The following RAD18 variants were observed in gnomAD, a reference collection of about 807,000 sequenced individuals.
The protein encoded by RAD18 is E3 ubiquitin-protein ligase RAD18.
Under a neutral mutation model 60.4 loss-of-function variants are expected in RAD18, and 47 were observed. The ratio of observed to expected loss-of-function variants is 0.78; its 90% confidence interval spans 0.62 to 0.99. The LOEUF (loss-of-function observed/expected upper bound fraction) is 0.99, where lower values mean the gene tolerates loss of function less well. RAD18 is among the 50% of genes least tolerant of loss of function. The pLI, the probability that RAD18 is intolerant of heterozygous loss-of-function variation, is 0.00. For synonymous variants in RAD18, 225 were observed against 195.5 expected (o/e 1.15, Z -1.26); for missense variants, 640 against 593.3 (o/e 1.08, Z -0.82).
chr3:8,954,545 G>A (rs779940127), intron 2 of RAD18, among the ~76,000 whole-genome samples: 1 of 151,906 alleles, frequency 6.6e-6, no homozygotes. Flanking sequence ...GCTCCCTCTC[G>A]CCCCCAAAAT....
intron 7 of RAD18, among the ~76,000 whole-genome samples, chr3:8,915,543 C>T (rs1341016083): frequency 6.6e-6 from 1 of 151,358 alleles, no homozygotes. Context: ...TTTTGGGTGG[C>T]TTGGACACAG....
intron 9 of RAD18, among the ~76,000 whole-genome samples, chr3:8,906,238 A>C (rs138212210): frequency 3.3e-4 from 50 of 152,278 alleles, no homozygotes; most frequent in African/African-American, 1.1e-3. Flanking sequence ...TATAAAATTT[A>C]TCTCTCACTG....
At chr3:8,928,632 A>G (rs192665571) in intron 7 of RAD18, among the ~76,000 whole-genome samples, 1 of 152,188 alleles carries the variant, frequency 6.6e-6, no homozygotes, top group Admixed American at 6.5e-5. Context: ...AAAACTGAAA[A>G]TATTGACAGG....
intron 12 of RAD18, among the ~76,000 whole-genome samples, chr3:8,882,488 C>A (rs1288838458): frequency 6.6e-6 from 1 of 152,078 alleles, no homozygotes; most frequent in Non-Finnish European, 1.5e-5. Flanking sequence ...AAAGGCCCAC[C>A]CCTGAGACTC....
In RAD18 at chr3:8,880,000, T is replaced by G. The variant is rs945149068; in HGVS notation, c.*1357A>C. The G allele has an allele frequency of 5.9e-5, 9 of 152,364 alleles. No individual in the cohort carries two copies. The highest frequency in any genetic ancestry group is 2.2e-4 in the African/African-American group (9 of 41,592). 9.4% of individuals were successfully genotyped at this position (152,364 alleles called of 1,614,324 possible). On this transcript the variant is annotated 3_prime_UTR_variant, in exon 13 of 13. Coordinates refer to ENST00000264926, the MANE Select transcript of RAD18 (RefSeq NM_020165.4). ...TATCCATGTGAGCTCCTATTTTGTT[T>G]GACATGCTCACTTACCTCACATCAG...
intron 12 of RAD18, among the ~76,000 whole-genome samples, chr3:8,882,269 G>A (rs1403320726): frequency 6.6e-6 from 1 of 152,212 alleles, no homozygotes; most frequent in Non-Finnish European, 1.5e-5. Context: ...AGGAACAGAG[G>A]TGAAATCAGT....
chr3:8,951,905 A>T (rs1033009703), intron 2 of RAD18, among the ~76,000 whole-genome samples: 2 of 152,216 alleles, frequency 1.3e-5, no homozygotes, highest in African/African-American at 4.8e-5. Context: ...TGGCCTATAG[A>T]CAACCACCTG....
intron 6 of RAD18, among the ~76,000 whole-genome samples, chr3:8,936,372 G>C (rs1940653571): frequency 6.6e-6 from 1 of 152,140 alleles, no homozygotes; most frequent in African/African-American, 2.4e-5. Context: ...TATGCTGTGA[G>C]GACTTCACTT....
intron 2 of RAD18, 88 bp from the exon 3 acceptor site, chr3:8,948,658 C>T: frequency 9.0e-7 from 1 of 1,115,036 alleles, no homozygotes; most frequent in Admixed American, 2.0e-5. Flanking sequence ...AAGCCCTAGA[C>T]TATTTCCGTC....
intron 12 of RAD18, among the ~76,000 whole-genome samples, chr3:8,888,828 G>C (rs1939629825): frequency 6.6e-6 from 1 of 152,168 alleles, no homozygotes; most frequent in South Asian, 2.1e-4. Flanking sequence ...GAAATGATAG[G>C]ATTTGTTTTC....
chr3:8,919,548 A>G (rs1208340046), intron 7 of RAD18, among the ~76,000 whole-genome samples: 1 of 152,250 alleles, frequency 6.6e-6, no homozygotes, highest in Non-Finnish European at 1.5e-5. Flanking sequence ...GTAAGTGTAC[A>G]TGGATTTACA....
intron 8 of RAD18, among the ~76,000 whole-genome samples, chr3:8,913,107 C>T (rs1321530667): frequency 2.0e-5 from 3 of 152,102 alleles, no homozygotes; most frequent in Non-Finnish European, 2.9e-5. Flanking sequence ...TGACTATTTT[C>T]TTCACTGGTA....
chr3:8,906,083 ACT>A (rs1474383582), intron 9 of RAD18, among the ~76,000 whole-genome samples: 5 of 152,226 alleles, frequency 3.3e-5, no homozygotes, highest in African/African-American at 9.7e-5. Flanking sequence ...TATGAAAATA[ACT>A]CAGTAAATCC....
At position 8,923,326 on chromosome 3, in the gene RAD18, C is replaced by G. The variant is rs148846013; in HGVS notation, c.890-9606G>C. Among the ~76,000 whole-genome samples, 1,130 of 152,182 alleles carry G rather than the reference C, an allele frequency of 7.4e-3. 17 individuals carry two copies. The highest frequency in any genetic ancestry group is 0.026 in the African/African-American group (1,065 of 41,496). The stretch of plus-strand genomic sequence containing the variant: ...AGAAAGGGTATCAGTGATGGAAGAT[C>G]AAATGAATGAAATGAAGCAAGAAGA... On this transcript the variant is annotated intron_variant, in intron 7 of 12. Transcript: ENST00000264926.
chr3:8,899,063 T>G lies in RAD18; in HGVS notation c.1169-16A>C. 1 of 1,558,916 alleles carries G rather than the reference T, an allele frequency of 6.4e-7. No homozygotes were observed. Among genetic ancestry groups the G allele is most frequent in the Non-Finnish European group, 8.7e-7 (1 of 1,148,320 alleles). On this transcript the variant is annotated splice_polypyrimidine_tract_variant and intron_variant, in intron 10 of 12. Coordinates refer to ENST00000264926, the MANE Select transcript of RAD18 (RefSeq NM_020165.4). ...TCTTCCTGTCCTAGGAAAAAATAAA[T>G]TTAAGAGTACCTTAAAATCTACAAC...
At chr3:8,904,257 C>T (rs1343216490) in intron 9 of RAD18, among the ~76,000 whole-genome samples, 1 of 152,146 alleles carries the variant, frequency 6.6e-6, no homozygotes, top group Non-Finnish European at 1.5e-5. Context: ...AACACATGTT[C>T]ATTTTACATC....
At chr3:8,892,260 C>A (rs1012812354) in intron 11 of RAD18, among the ~76,000 whole-genome samples, 1 of 152,128 alleles carries the variant, frequency 6.6e-6, no homozygotes, top group Non-Finnish European at 1.5e-5. Flanking sequence ...TCTGGAAGAC[C>A]ACGCTTCAAG....
Position 8,941,861 on chromosome 3 carries a change from T to C in RAD18, c.267-57A>G, listed in dbSNP as rs564084818. ...AGAGATCCAATTTTACATCATAAAT[T>C]AACTGACATAAGCTGTTTTCCCAAT... On this transcript the variant is annotated intron_variant, in intron 4 of 12. Coordinates refer to ENST00000264926, the MANE Select transcript of RAD18 (RefSeq NM_020165.4). 6 of 1,433,902 alleles carry C rather than the reference T, an allele frequency of 4.2e-6. No homozygotes were observed. The East Asian group carries it at 1.4e-4, about 33-fold the overall frequency. 88.8% of individuals were successfully genotyped at this position (1,433,902 alleles called of 1,614,324 possible). A position where few individuals can be genotyped will look rare whatever the true frequency, so the allele number is the denominator to read the frequency against.
chr3:8,908,485 T>C (rs984271850), intron 9 of RAD18, among the ~76,000 whole-genome samples: 2 of 152,108 alleles, frequency 1.3e-5, no homozygotes, highest in East Asian at 1.9e-4. Context: ...TGGCCATCTA[T>C]AGCCAAGAAG....
Sources: gnomAD v4.1 joint callset for allele counts (sites outside exome capture counted in the v4.1 genomes callset) on GRCh38, gnomAD v4.1.1 for gene constraint, MANE v1.5 for transcripts, NCBI Gene and HGNC (gene_info 2026-07-23, HGNC 2026-07-21) for gene names.